Variants in CTNNA2 observed in about 807,000 individuals in gnomAD.
CTNNA2 encodes the protein catenin alpha-2.
CTNNA2 carries 42 observed loss-of-function variants against 101.0 expected under a neutral mutation model. The observed-to-expected ratio is 0.42, with a 90% CI of 0.32 to 0.54. The LOEUF (loss-of-function observed/expected upper bound fraction) is 0.54. CTNNA2 is among the 20% of genes least tolerant of loss of function. The pLI is 0.14. For missense variants in CTNNA2, 871 were observed against 1,223.1 expected (o/e 0.71, Z 4.29); for synonymous variants, 450 against 456.4 (o/e 0.99, Z 0.18).
intron 2 of CTNNA2, among the ~76,000 whole-genome samples, chr2:79,737,490 AGACTTACCT>A (rs1295883015): frequency 6.6e-6 from 1 of 152,226 alleles, no homozygotes; most frequent in Non-Finnish European, 1.5e-5. Context: ...GCCTAAGCCC[AGACTTACCT>A]GATCAGAAGC....
intron 2 of CTNNA2, among the ~76,000 whole-genome samples, chr2:79,296,483 C>A (rs571739882): frequency 6.6e-6 from 1 of 152,158 alleles, no homozygotes; most frequent in South Asian, 2.1e-4. Flanking sequence ...ACTTTTTTCT[C>A]ATTTATAGCT....
chr2:80,251,607 T>C (rs1201897024), intron 7 of CTNNA2, among the ~76,000 whole-genome samples: 1 of 152,210 alleles, frequency 6.6e-6, no homozygotes, highest in African/African-American at 2.4e-5. Flanking sequence ...ACAGGTGATA[T>C]AACTTCTCCT....
chr2:80,587,649 T>G (rs1470597029), intron 14 of CTNNA2, among the ~76,000 whole-genome samples: 1 of 152,200 alleles, frequency 6.6e-6, no homozygotes, highest in Non-Finnish European at 1.5e-5. Context: ...ACCTTAGTTA[T>G]AGTCCTTCCA....
At chr2:79,261,551 G>T (rs1395058752) in intron 2 of CTNNA2, among the ~76,000 whole-genome samples, 2 of 152,188 alleles carry the variant, frequency 1.3e-5, no homozygotes, top group Non-Finnish European at 2.9e-5. Context: ...TTGGTTTCTG[G>T]CGAGACCTCC....
intron 9 of CTNNA2, among the ~76,000 whole-genome samples, chr2:80,429,612 A>C (rs983228906): frequency 1.3e-5 from 2 of 152,218 alleles, no homozygotes; most frequent in Non-Finnish European, 2.9e-5. Flanking sequence ...ATTAAATTTC[A>C]TATCTCTGAA....
intron 3 of CTNNA2, among the ~76,000 whole-genome samples, chr2:79,350,031 G>A (rs183567592): frequency 1.6e-5 from 2 of 125,312 alleles, no homozygotes; most frequent in East Asian, 2.5e-4. Flanking sequence ...ACGAGATCAC[G>A]CCACTGCACT....
rs185682965 is a variant in CTNNA2, at chr2:80,589,909, C to T, written c.2189+424C>T. On this transcript the variant is annotated intron_variant, in intron 15 of 18. Coordinates refer to ENST00000402739, the MANE Select transcript of CTNNA2 (RefSeq NM_001282597.3). Reference sequence around the variant, plus strand: ...GTGTGTGTGTGTGTGTGTGTGTGCGCGCGCGCGCATGTATACATATAGTAT... The same window carrying T: ...GTGTGTGTGTGTGTGTGTGTGTGCGTGCGCGCGCATGTATACATATAGTAT... 6.9e-3 allele frequency among the ~76,000 whole-genome samples: 949 copies of T among 138,534 alleles called. 8 individuals carry two copies. Among genetic ancestry groups the T allele is most frequent in the Middle Eastern group, 0.032 (8 of 250 alleles). The allele number at this position is 138,534 out of a possible 152,430, so 90.9% of individuals were successfully genotyped here.
At chr2:80,215,884 C>T (rs183597387) in intron 7 of CTNNA2, among the ~76,000 whole-genome samples, 388 of 152,310 alleles carry the variant, frequency 2.5e-3, no homozygotes, top group African/African-American at 9.0e-3. Flanking sequence ...GGCAGGCAGG[C>T]CTCCTTGAGC....
chr2:80,111,352 G>T (rs921205086), intron 7 of CTNNA2, among the ~76,000 whole-genome samples: 3 of 152,206 alleles, frequency 2.0e-5, no homozygotes, highest in Admixed American at 6.5e-5. Flanking sequence ...ATGACTACAT[G>T]AGAAATTGGT....
intron 1 of CTNNA2, among the ~76,000 whole-genome samples, chr2:79,578,212 G>A (rs1036304156): frequency 3.3e-5 from 5 of 151,940 alleles, no homozygotes; most frequent in African/African-American, 7.3e-5. Flanking sequence ...TAGATATTTG[G>A]TGTGTTTTTT....
chr2:79,752,163 A>G (rs1484090008), intron 3 of CTNNA2, among the ~76,000 whole-genome samples: 1 of 152,162 alleles, frequency 6.6e-6, no homozygotes, highest in African/African-American at 2.4e-5. Context: ...GTACTTGCCA[A>G]TAGAGAGAGG....
chr2:79,261,867 C>A (rs1674926548), intron 2 of CTNNA2, among the ~76,000 whole-genome samples: 1 of 152,192 alleles, frequency 6.6e-6, no homozygotes. Context: ...GAAAACTGTT[C>A]AGCTAACTAG....
At chr2:79,603,013 C>T (rs1222804230) in intron 1 of CTNNA2, among the ~76,000 whole-genome samples, 1 of 152,026 alleles carries the variant, frequency 6.6e-6, no homozygotes, top group Non-Finnish European at 1.5e-5. Context: ...TTACTTTTCT[C>T]GTAAGGAGGC....
chr2:80,191,746 C>T (rs1000795031), intron 7 of CTNNA2, among the ~76,000 whole-genome samples: 11 of 152,008 alleles, frequency 7.2e-5, no homozygotes, highest in African/African-American at 1.9e-4. Context: ...TGAGTTATTA[C>T]GTATATATTT....
chr2:79,518,057 T>C (rs114990701), intron 1 of CTNNA2, among the ~76,000 whole-genome samples: 103 of 152,356 alleles, frequency 6.8e-4, no homozygotes, highest in Non-Finnish European at 1.3e-3. Flanking sequence ...AGGGGTTTTC[T>C]AAATTTTTGC....
intron 2 of CTNNA2, among the ~76,000 whole-genome samples, chr2:79,711,321 A>G (rs899613812): frequency 2.0e-5 from 3 of 152,144 alleles, no homozygotes; most frequent in Non-Finnish European, 4.4e-5. Flanking sequence ...CTCTTCTGCT[A>G]TTACTTTGCT....
intron 9 of CTNNA2, among the ~76,000 whole-genome samples, chr2:80,520,259 A>G (rs1689427622): frequency 6.6e-6 from 1 of 151,894 alleles, no homozygotes; most frequent in African/African-American, 2.4e-5. Context: ...CATATACTAG[A>G]TGGGACACAT....
intron 9 of CTNNA2, among the ~76,000 whole-genome samples, chr2:80,470,373 C>G (rs1224309862): frequency 6.6e-6 from 1 of 151,612 alleles, no homozygotes; most frequent in Non-Finnish European, 1.5e-5. Flanking sequence ...GATTTGGGAG[C>G]CACAGGTCAG....
intron 7 of CTNNA2, among the ~76,000 whole-genome samples, chr2:80,384,474 A>C (rs1264157329): frequency 6.6e-6 from 1 of 151,996 alleles, no homozygotes; most frequent in Non-Finnish European, 1.5e-5. Flanking sequence ...AGTTCAGTAA[A>C]ATCTAAACAA....
Sources: gnomAD v4.1 joint callset for allele counts (sites outside exome capture counted in the v4.1 genomes callset) on GRCh38, gnomAD v4.1.1 for gene constraint, MANE v1.5 for transcripts, NCBI Gene and HGNC (gene_info 2026-07-23, HGNC 2026-07-21) for gene names.